SEMA3C: variants seen among roughly 807,000 people sequenced by gnomAD.
SEMA3C encodes the protein semaphorin 3C.
A neutral mutation model predicts 89.4 loss-of-function variants in SEMA3C; 47 were observed. That is an observed-to-expected ratio of 0.53 (90% CI 0.42 to 0.67). The LOEUF (loss-of-function observed/expected upper bound fraction) is 0.67. Among genes scored for constraint, SEMA3C ranks in the 30% least tolerant of loss-of-function variants. The pLI, the probability that SEMA3C is intolerant of heterozygous loss-of-function variation, is 0.00. For missense variants in SEMA3C, 839 were observed against 929.1 expected (o/e 0.90, Z 1.26); for synonymous variants, 310 against 320.2 (o/e 0.97, Z 0.34).
intron 17 of SEMA3C, among the ~76,000 whole-genome samples, chr7:80,747,275 A>G (rs1787824188): frequency 6.6e-6 from 1 of 152,106 alleles, no homozygotes; most frequent in Non-Finnish European, 1.5e-5. Flanking sequence ...ATATTATTAG[A>G]GAGAATAAAT....
intron 2 of SEMA3C, among the ~76,000 whole-genome samples, chr7:80,871,062 T>C (rs1273012720): frequency 2.0e-5 from 3 of 152,246 alleles, no homozygotes; most frequent in African/African-American, 2.4e-5. Flanking sequence ...AAATTTGTCA[T>C]GCCTTACTAA....
chr7:80,873,906 C>T (rs1791134176), intron 2 of SEMA3C, among the ~76,000 whole-genome samples: 1 of 152,124 alleles, frequency 6.6e-6, no homozygotes, highest in Admixed American at 6.6e-5. Flanking sequence ...GCCTTATTTG[C>T]ACCATTAGGA....
upstream of SEMA3C, chr7:80,919,104 G>T: frequency 1.0e-6 from 1 of 984,974 alleles, no homozygotes; most frequent in Non-Finnish European, 1.2e-6. Flanking sequence ...TCCGATTACA[G>T]CGCCGCGGCG....
chr7:80,895,766 A>G (rs571664758), intron 2 of SEMA3C, among the ~76,000 whole-genome samples: 194 of 152,268 alleles, frequency 1.3e-3, no homozygotes, highest in Middle Eastern at 0.01. Flanking sequence ...ACAAACAGCT[A>G]CTTACTTTTT....
intron 5 of SEMA3C, among the ~76,000 whole-genome samples, chr7:80,813,918 T>C (rs1399046589): frequency 6.6e-6 from 1 of 152,190 alleles, no homozygotes; most frequent in Non-Finnish European, 1.5e-5. Context: ...ATGACAATTA[T>C]GGTACAAAAC....
At chr7:80,791,931 T>C (rs1788949095) in intron 11 of SEMA3C, among the ~76,000 whole-genome samples, 1 of 152,190 alleles carries the variant, frequency 6.6e-6, no homozygotes, top group South Asian at 2.1e-4. Context: ...ATATTGAGAC[T>C]TACTTTGACC....
At chr7:80,901,727 A>C (rs1791885060) in intron 2 of SEMA3C, among the ~76,000 whole-genome samples, 1 of 152,204 alleles carries the variant, frequency 6.6e-6, no homozygotes, top group African/African-American at 2.4e-5. Flanking sequence ...ATAGTTGTCT[A>C]ATTTTCTTAT....
intron 12 of SEMA3C, among the ~76,000 whole-genome samples, chr7:80,770,343 C>G (rs1384813870): frequency 6.6e-6 from 1 of 152,184 alleles, no homozygotes; most frequent in Non-Finnish European, 1.5e-5. Flanking sequence ...TGTTTTCCTT[C>G]TGGGGGTGGT....
At chr7:80,754,964 T>TTTTGTTTTTTTTTTG (rs765917535) in intron 15 of SEMA3C, among the ~76,000 whole-genome samples, 1 of 129,146 alleles carries the variant, frequency 7.7e-6, no homozygotes, top group Non-Finnish European at 1.7e-5. Context: ...TTTGTTTTTT[T>TTTTGTTTTTTTTTTG]TTTTTTTGTA....
At chr7:80,774,665 A>C (rs1340000819) in intron 12 of SEMA3C, among the ~76,000 whole-genome samples, 1 of 152,316 alleles carries the variant, frequency 6.6e-6, no homozygotes, top group East Asian at 1.9e-4. Flanking sequence ...TATAGAATTT[A>C]TGCAATTGGA....
intron 2 of SEMA3C, among the ~76,000 whole-genome samples, chr7:80,866,216 T>C (rs1790923019): frequency 6.6e-6 from 1 of 152,188 alleles, no homozygotes; most frequent in Admixed American, 6.5e-5. Context: ...TCAGGGAAGT[T>C]AAGTAATTTG....
At chr7:80,867,928 T>C (rs1382598725) in intron 2 of SEMA3C, among the ~76,000 whole-genome samples, 15 of 152,198 alleles carry the variant, frequency 9.9e-5, no homozygotes, top group Admixed American at 6.5e-4. Flanking sequence ...CCAGAAAGCA[T>C]ATGCTCTGTC....
upstream of SEMA3C, among the ~76,000 whole-genome samples, chr7:80,921,606 A>G (rs1399560680): frequency 6.6e-6 from 1 of 152,212 alleles, no homozygotes; most frequent in African/African-American, 2.4e-5. Flanking sequence ...GTTTTCGGTA[A>G]GGGGGACACT....
intron 12 of SEMA3C, among the ~76,000 whole-genome samples, chr7:80,776,701 C>A (rs914398475): frequency 4.6e-5 from 7 of 152,126 alleles, no homozygotes; most frequent in Non-Finnish European, 8.8e-5. Flanking sequence ...TATGATGTTA[C>A]TGAAGTTTTA....
chr7:80,893,265 C>A (rs1583985716), intron 2 of SEMA3C, among the ~76,000 whole-genome samples: 1 of 152,136 alleles, frequency 6.6e-6, no homozygotes. Context: ...GTTTCTCCAG[C>A]CCCATTTGTC....
At chr7:80,831,098 G>T (rs1279896427) in intron 2 of SEMA3C, among the ~76,000 whole-genome samples, 1 of 152,172 alleles carries the variant, frequency 6.6e-6, no homozygotes, top group Non-Finnish European at 1.5e-5. Flanking sequence ...GTAAGATATT[G>T]CTTGGGCTGC....
intron 12 of SEMA3C, among the ~76,000 whole-genome samples, chr7:80,778,646 GT>G (rs896394122): frequency 4.6e-5 from 7 of 152,146 alleles, no homozygotes; most frequent in African/African-American, 1.7e-4. Flanking sequence ...TACTTGCATT[GT>G]TAACCTCTTC....
chr7:80,769,037 T>C (rs1004530572), intron 12 of SEMA3C, among the ~76,000 whole-genome samples: 27 of 152,230 alleles, frequency 1.8e-4, no homozygotes, highest in African/African-American at 6.3e-4. Context: ...CTACATTCTT[T>C]CTTGTTTGCA....
intron 12 of SEMA3C, among the ~76,000 whole-genome samples, chr7:80,780,961 A>G (rs879531146): frequency 1.3e-5 from 2 of 152,170 alleles, no homozygotes; most frequent in Non-Finnish European, 2.9e-5. Flanking sequence ...CTAAAAAAAG[A>G]TTTTGAGAGG....
Sources: allele counts gnomAD v4.1 joint callset (sites outside exome capture counted in the v4.1 genomes callset), GRCh38; gene constraint gnomAD v4.1.1; transcripts MANE v1.5; gene names NCBI Gene and HGNC (gene_info 2026-07-23, HGNC 2026-07-21).